Variants in LINC00305 observed in about 807,000 individuals in gnomAD.
The protein encoded by LINC00305 is long independently transcribed non-coding RNA 305.
At chr18:64,140,866 T>A (rs2051458951) in intron 1 of LINC00305, among the ~76,000 whole-genome samples, 1 of 151,812 alleles carries the variant, frequency 6.6e-6, no homozygotes, top group African/African-American at 2.4e-5. Flanking sequence ...TGGAGAGAGA[T>A]GTGACCAGGG....
intron 1 of LINC00305, chr18:64,139,593 G>A (rs961135460): frequency 3.3e-5 from 5 of 152,202 alleles, no homozygotes; most frequent in African/African-American, 1.2e-4. Context: ...ATGTACATGT[G>A]TGTGTATTTT....
At chr18:64,144,719 G>A (rs1266255665) in intron 1 of LINC00305, among the ~76,000 whole-genome samples, 1 of 152,050 alleles carries the variant, frequency 6.6e-6, no homozygotes, top group Non-Finnish European at 1.5e-5. Flanking sequence ...AAGATGAAAT[G>A]CTCCTGATTA....
At chr18:64,131,206 A>G (rs1469997165) in intron 1 of LINC00305, among the ~76,000 whole-genome samples, 2 of 152,236 alleles carry the variant, frequency 1.3e-5, no homozygotes, top group Non-Finnish European at 2.9e-5. Context: ...TTCTTTTTAA[A>G]CAACTTGAAT....
intron 1 of LINC00305, among the ~76,000 whole-genome samples, chr18:64,136,449 G>T (rs2144273147): frequency 6.6e-6 from 1 of 152,176 alleles, no homozygotes; most frequent in East Asian, 1.9e-4. Context: ...GAGAGAATGA[G>T]AGTGGAGAGA....
In LINC00305 at chr18:64,141,244, AT is replaced by A. The variant is rs1344600626; in HGVS notation, n.314+7530del. The stretch of plus-strand genomic sequence containing the variant: ...TGAGTATGGACGAATAAAGAAAAAA[AT>A]AATAAAGCATAAAATAAATCACCTA... On this transcript the variant is annotated intron_variant and non_coding_transcript_variant, in intron 1 of 3. Coordinates refer to ENST00000666468, the Ensembl canonical transcript of LINC00305. 3.9e-5 allele frequency among the ~76,000 whole-genome samples: 6 copies of A among 152,242 alleles called. No individual in the cohort carries two copies. In the East Asian group the frequency reaches 1.2e-3, roughly 29 times the overall value.
At chr18:64,092,555 C>T (rs2051228973) in intron 3 of LINC00305, among the ~76,000 whole-genome samples, 1 of 152,192 alleles carries the variant, frequency 6.6e-6, no homozygotes, top group Admixed American at 6.5e-5. Flanking sequence ...GAATGAGACT[C>T]TGTCTCAAAC....
At chr18:64,148,709 G>C (rs1250390733) in intron 1 of LINC00305, 3 of 152,150 alleles carry the variant, frequency 2.0e-5, no homozygotes, top group African/African-American at 7.2e-5. Context: ...GGTGGCTGTT[G>C]GTTGATGTGT....
In LINC00305 at chr18:64,143,564, A is replaced by ATG. The variant is rs2051476291; in HGVS notation, n.314+5210_314+5211insCA. Among the ~76,000 whole-genome samples, 3 of 117,164 alleles carry ATG rather than the reference A, an allele frequency of 2.6e-5. 1 individual carries two copies. The highest frequency in any genetic ancestry group is 1.2e-4 in the African/African-American group (3 of 25,354). 76.9% of individuals were successfully genotyped at this position (117,164 alleles called of 152,430 possible). ...ATATGTACACATATTATGTGTACAT[A>ATG]TATACACATATGTATATGTACATAT... On this transcript the variant is annotated intron_variant and non_coding_transcript_variant, in intron 1 of 3. Transcript: ENST00000666468.
At chr18:64,143,836 A>G (rs1000913317) in intron 1 of LINC00305, among the ~76,000 whole-genome samples, 8 of 149,424 alleles carry the variant, frequency 5.4e-5, no homozygotes, top group South Asian at 4.2e-4. Flanking sequence ...GATAATTCTT[A>G]TGTATGTATA....
chr18:64,105,516 A>G (rs1452184586), intron 1 of LINC00305, among the ~76,000 whole-genome samples: 1 of 152,160 alleles, frequency 6.6e-6, no homozygotes, highest in Non-Finnish European at 1.5e-5. Context: ...TAAAAATTTA[A>G]AAACCCCTCA....
intron 1 of LINC00305, among the ~76,000 whole-genome samples, chr18:64,137,933 A>C (rs1287833052): frequency 6.6e-6 from 1 of 152,056 alleles, no homozygotes; most frequent in Non-Finnish European, 1.5e-5. Context: ...TAAACTCCTT[A>C]AAGTTTTCTT....
At chr18:64,128,279 T>C (rs1341092064) in intron 1 of LINC00305, among the ~76,000 whole-genome samples, 2 of 152,118 alleles carry the variant, frequency 1.3e-5, no homozygotes, top group African/African-American at 2.4e-5. Context: ...TAGCTATTCA[T>C]CAACTTGGCT....
chr18:64,132,665 G>C (rs929904340), intron 1 of LINC00305, among the ~76,000 whole-genome samples: 1 of 152,170 alleles, frequency 6.6e-6, no homozygotes, highest in Non-Finnish European at 1.5e-5. Flanking sequence ...GCTCCATAGT[G>C]TATGAGTTTA....
At position 64,080,968 on chromosome 18, in the gene LINC00305, A is replaced by G. The variant is rs570981112; in HGVS notation, n.541-566T>C. 6.6e-5 allele frequency among the ~76,000 whole-genome samples: 10 copies of G among 152,272 alleles called. No individual in the cohort carries two copies. In the South Asian group the frequency reaches 1.9e-3, roughly 28 times the overall value. On this transcript the variant is annotated intron_variant and non_coding_transcript_variant, in intron 3 of 3. Transcript: ENST00000666468. ...CAACAGTATCTAGTCCAATTTTTTT[A>G]TTGTACAGATAAAAGAAATTGGTCT...
At chr18:64,141,017 A>G (rs2051459905) in intron 1 of LINC00305, among the ~76,000 whole-genome samples, 1 of 146,772 alleles carries the variant, frequency 6.8e-6, no homozygotes, top group South Asian at 2.2e-4. Context: ...TAGCGCCGCA[A>G]GGAACCAAAT....
chr18:64,093,553 C>G (rs1218909707), intron 3 of LINC00305, among the ~76,000 whole-genome samples: 1 of 152,106 alleles, frequency 6.6e-6, no homozygotes, highest in African/African-American at 2.4e-5. Flanking sequence ...AGGTTGGTCT[C>G]GAATTCCTGA....
intron 1 of LINC00305, among the ~76,000 whole-genome samples, chr18:64,146,298 A>G (rs888662800): frequency 6.6e-6 from 1 of 152,228 alleles, no homozygotes; most frequent in Admixed American, 6.5e-5. Context: ...TCCAAAGATG[A>G]CAGTGTGACC....
At chr18:64,141,487 A>C (rs2051462860) in intron 1 of LINC00305, among the ~76,000 whole-genome samples, 1 of 152,176 alleles carries the variant, frequency 6.6e-6, no homozygotes, top group Non-Finnish European at 1.5e-5. Context: ...AAAAAAGTGA[A>C]AATAAAAAAG....
chr18:64,124,437 A>G (rs1013257488), intron 1 of LINC00305, among the ~76,000 whole-genome samples: 1 of 152,084 alleles, frequency 6.6e-6, no homozygotes, highest in Non-Finnish European at 1.5e-5. Context: ...TGCTAAAATC[A>G]CACCATGTTA....
Sources: allele counts gnomAD v4.1 joint callset (sites outside exome capture counted in the v4.1 genomes callset), GRCh38; gene constraint gnomAD v4.1.1; transcripts MANE v1.5; gene names NCBI Gene and HGNC (gene_info 2026-07-23, HGNC 2026-07-21).